Variants in EPHA3 observed in about 807,000 individuals in gnomAD.
EPHA3 encodes EPH receptor A3, also known as ephrin type-A receptor 3.
EPHA3 carries 42 observed loss-of-function variants against 107.1 expected under a neutral mutation model. The ratio of observed to expected loss-of-function variants is 0.39; its 90% CI spans 0.31 to 0.51. EPHA3 has a LOEUF of 0.51. Among genes scored for constraint, EPHA3 ranks in the 20% least tolerant of loss-of-function variants. The pLI is 0.78. For missense variants in EPHA3, 1,183 were observed against 1,211.2 expected, an observed-to-expected ratio of 0.98 and a Z score of 0.35; for synonymous variants, 461 against 424.8, an observed-to-expected ratio of 1.09 and a Z score of -1.05.
At position 89,342,099 on chromosome 3, in the gene EPHA3, A is replaced by G. The variant is rs1305232334; in HGVS notation, c.1306+9A>G. 2.5e-6 allele frequency: 4 copies of G among 1,599,322 alleles called. No homozygotes were observed. Among genetic ancestry groups the G allele is most frequent in the South Asian group, 1.1e-5 (1 of 90,100 alleles). Reference sequence around the variant, plus strand: ...CACAACTAATCAGGCTGGTGAGTACATACTAGATGCTTCTTACTCTTATCA... The same window carrying G: ...CACAACTAATCAGGCTGGTGAGTACGTACTAGATGCTTCTTACTCTTATCA... On this transcript the variant is annotated intron_variant, in intron 5 of 16. Transcript: ENST00000336596.
chr3:89,150,237 A>G (rs1486138771), intron 2 of EPHA3, among the ~76,000 whole-genome samples: 2 of 152,084 alleles, frequency 1.3e-5, no homozygotes, highest in South Asian at 2.1e-4. Flanking sequence ...AGTGGTAGCC[A>G]ACAATTTCAG....
In EPHA3 at chr3:89,210,214, G is replaced by C; in HGVS notation, c.508G>C (p.Glu170Gln). ...TCTGAAGCTCAACACTGAGATTAGA[G>C]AAGTAGGTCCTGTCAACAAGAAGGG... Reference protein sequence around the residue: ...RILKLNTEIREVGPVNKKGFY... With the variant: ...RILKLNTEIRQVGPVNKKGFY... Residue 170 changes from glutamate to glutamine, a missense_variant, in exon 3 of 17, where the codon GAA becomes CAA. Coordinates refer to ENST00000336596, the MANE Select transcript of EPHA3 (RefSeq NM_005233.6). 6.2e-7 allele frequency: 1 copy of C among 1,614,078 alleles called. No individual in the cohort carries two copies. The highest frequency in any genetic ancestry group is 8.5e-7 in the Non-Finnish European group (1 of 1,179,958).
intron 7 of EPHA3, 63 bp downstream of exon 7, chr3:89,399,543 G>C: frequency 6.3e-7 from 1 of 1,587,416 alleles, no homozygotes; most frequent in East Asian, 2.2e-5. Context: ...ATGTCTGATC[G>C]TTTATTCTCA....
At chr3:89,411,790 A>C (rs1355636265) in intron 9 of EPHA3, among the ~76,000 whole-genome samples, 1 of 151,888 alleles carries the variant, frequency 6.6e-6, no homozygotes, top group Non-Finnish European at 1.5e-5. Flanking sequence ...TGCAGTCTCC[A>C]CAACTATTTA....
At chr3:89,402,051 T>A (rs557189148) in intron 7 of EPHA3, among the ~76,000 whole-genome samples, 1 of 152,362 alleles carries the variant, frequency 6.6e-6, no homozygotes, top group South Asian at 2.1e-4. Context: ...AAACATGTTT[T>A]ATGCATATTT....
At chr3:89,443,889 A>C (rs1709829641) in intron 13 of EPHA3, among the ~76,000 whole-genome samples, 1 of 152,204 alleles carries the variant, frequency 6.6e-6, no homozygotes, top group South Asian at 2.1e-4. Context: ...AGATGTTCAG[A>C]TAAGAACTTT....
At chr3:89,300,048 A>G (rs964117854) in intron 3 of EPHA3, among the ~76,000 whole-genome samples, 2 of 152,070 alleles carry the variant, frequency 1.3e-5, no homozygotes, top group African/African-American at 2.4e-5. Flanking sequence ...ATTTAAAAAT[A>G]TTAATGCTAG....
At chr3:89,160,547 T>TG (rs61539682) in intron 2 of EPHA3, among the ~76,000 whole-genome samples, 4,523 of 23,246 alleles carry the variant, frequency 0.19, 293 homozygotes, top group African/African-American at 0.39. Context: ...AATATTAGAT[T>TG]TTGTGTGTGT....
At chr3:89,282,614 T>G (rs1248250139) in intron 3 of EPHA3, among the ~76,000 whole-genome samples, 1 of 152,090 alleles carries the variant, frequency 6.6e-6, no homozygotes, top group Non-Finnish European at 1.5e-5. Flanking sequence ...TTGCATACCA[T>G]GTTTTCCCCC....
chr3:89,418,610 G>A (rs1192439105), intron 10 of EPHA3, among the ~76,000 whole-genome samples: 2 of 151,124 alleles, frequency 1.3e-5, no homozygotes, highest in Non-Finnish European at 3.0e-5. Flanking sequence ...TTTAGATAAG[G>A]CATGTTGTTT....
intron 5 of EPHA3, among the ~76,000 whole-genome samples, chr3:89,391,337 C>G (rs1464767809): frequency 6.6e-6 from 1 of 151,418 alleles, no homozygotes; most frequent in Non-Finnish European, 1.5e-5. Flanking sequence ...CATAAGCCAC[C>G]CCTCCCTCTT....
intron 6 of EPHA3, 88 bp from the exon 7 acceptor site, chr3:89,399,230 G>T (rs997626315): frequency 8.7e-7 from 1 of 1,153,000 alleles, no homozygotes; most frequent in Non-Finnish European, 1.2e-6. Context: ...AAATATAAAA[G>T]AATCAGGTTT....
At chr3:89,260,747 C>A (rs1705393350) in intron 3 of EPHA3, among the ~76,000 whole-genome samples, 1 of 152,148 alleles carries the variant, frequency 6.6e-6, no homozygotes, top group African/African-American at 2.4e-5. Flanking sequence ...CTTCAGCTTG[C>A]TCTATTGACA....
rs538265757 is a variant in EPHA3 at position 89,444,784 on chromosome 3, C to T, written c.2347-4441C>T. Among the ~76,000 whole-genome samples the T allele has an allele frequency of 6.6e-5, 10 of 151,988 alleles. No homozygotes were observed. In the South Asian group the frequency reaches 2.1e-3, roughly 32 times the overall value. ...TCATCTTTATTCTCTTCCTGTTTCC[C>T]TCAATGATGGATGGCATCATTTACA... On this transcript the variant is annotated intron_variant, in intron 13 of 16. Coordinates refer to ENST00000336596, the MANE Select transcript of EPHA3 (RefSeq NM_005233.6).
At position 89,481,172 on chromosome 3, in the gene EPHA3, C is replaced by T. The variant is rs1443399685; in HGVS notation, c.*1670C>T. ...CTTAATGTTCTTATGCAAAATGGAA[C>T]GCTAATGAAACACAGCTTACAATCG... On this transcript the variant is annotated 3_prime_UTR_variant, in exon 17 of 17. Coordinates refer to ENST00000336596, the MANE Select transcript of EPHA3 (RefSeq NM_005233.6). The T allele has an allele frequency of 1.7e-5, 4 of 232,020 alleles. No homozygotes were observed. The highest frequency in any genetic ancestry group is 4.4e-5 in the African/African-American group (2 of 45,276). 14.4% of individuals were successfully genotyped at this position (232,020 alleles called of 1,614,324 possible).
chr3:89,253,378 T>C (rs750648957), intron 3 of EPHA3, among the ~76,000 whole-genome samples: 2 of 152,066 alleles, frequency 1.3e-5, no homozygotes, highest in African/African-American at 2.4e-5. Context: ...ACTCACACCA[T>C]GCCCTCCTCC....
rs528841771 is a variant in EPHA3 at position 89,390,785 on chromosome 3, A to ATTTTTT, written c.1307-5041_1307-5036dup. 5.9e-3 allele frequency among the ~76,000 whole-genome samples: 784 copies of ATTTTTT among 132,114 alleles called. 13 individuals are homozygous for ATTTTTT. Among genetic ancestry groups the ATTTTTT allele is most frequent in the Middle Eastern group, 0.012 (3 of 258 alleles). The allele number at this position is 132,114 out of a possible 152,430, so 86.7% of individuals were successfully genotyped here. A position where few individuals can be genotyped will look rare whatever the true frequency, so the allele number is the denominator to read the frequency against. On this transcript the variant is annotated intron_variant, in intron 5 of 16. Coordinates refer to ENST00000336596, the MANE Select transcript of EPHA3 (RefSeq NM_005233.6). ...CTTCTTGGAAGAGAAATTGAAAAGCATTTTTTTTTTTTTTTTGAGACAGAG... is the reference window on the plus strand; with the variant it reads ...CTTCTTGGAAGAGAAATTGAAAAGCATTTTTTTTTTTTTTTTTTTTTTGAGACAGAG...
chr3:89,324,141 C>T (rs1316299420), intron 3 of EPHA3, among the ~76,000 whole-genome samples: 1 of 144,818 alleles, frequency 6.9e-6, no homozygotes, highest in Non-Finnish European at 1.5e-5. Context: ...CAATGTGGAA[C>T]TTTAGATGTC....
At chr3:89,370,860 G>C (rs1183061270) in intron 5 of EPHA3, among the ~76,000 whole-genome samples, 1 of 151,570 alleles carries the variant, frequency 6.6e-6, no homozygotes, top group Non-Finnish European at 1.5e-5. Context: ...ATTGGGCAAA[G>C]TGTTAAGAAG....
Sources: allele counts gnomAD v4.1 joint callset (sites outside exome capture counted in the v4.1 genomes callset), GRCh38; gene constraint gnomAD v4.1.1; transcripts MANE v1.5; gene names NCBI Gene and HGNC (gene_info 2026-07-23, HGNC 2026-07-21).